Variants in PTPRD observed in about 807,000 individuals in gnomAD.
PTPRD encodes the protein protein tyrosine phosphatase receptor type D.
In PTPRD, 34 loss-of-function variants were observed where a neutral mutation model predicts 214.5. That is an observed-to-expected ratio of 0.16 (90% CI 0.12 to 0.21). The LOEUF (loss-of-function observed/expected upper bound fraction) is 0.21, where lower values mean the gene tolerates loss of function less well. Among genes scored for constraint, PTPRD ranks in the 10% least tolerant of loss-of-function variants. PTPRD has a pLI of 1.00. For missense variants in PTPRD, 2,545 were observed against 2,398.7 expected (o/e 1.06, Z -1.27); for synonymous variants, 1,128 against 845.7 (o/e 1.33, Z -5.79).
chr9:10,411,501 G>A (rs886710098), intron 2 of PTPRD, among the ~76,000 whole-genome samples: 1 of 151,748 alleles, frequency 6.6e-6, no homozygotes, highest in Non-Finnish European at 1.5e-5. Context: ...GCCCAGAATG[G>A]TGATATTCAG....
chr9:9,904,055 T>C (rs2077004054), intron 5 of PTPRD, among the ~76,000 whole-genome samples: 1 of 152,160 alleles, frequency 6.6e-6, no homozygotes, highest in Non-Finnish European at 1.5e-5. Flanking sequence ...GGTGCACTGA[T>C]GATAGTGAAA....
chr9:9,544,638 A>G (rs1403390217), intron 8 of PTPRD, among the ~76,000 whole-genome samples: 1 of 151,714 alleles, frequency 6.6e-6, no homozygotes, highest in Non-Finnish European at 1.5e-5. Context: ...TAATATCTAC[A>G]TGCACTTTTT....
intron 5 of PTPRD, among the ~76,000 whole-genome samples, chr9:9,873,241 T>C (rs1401876869): frequency 2.0e-5 from 3 of 152,152 alleles, no homozygotes; most frequent in Admixed American, 2.0e-4. Context: ...TGTTCTAACC[T>C]TTCATGTAAA....
At chr9:9,307,357 C>T (rs1045331609) in intron 9 of PTPRD, among the ~76,000 whole-genome samples, 1 of 152,114 alleles carries the variant, frequency 6.6e-6, no homozygotes, top group Non-Finnish European at 1.5e-5. Context: ...AAGAAACCTT[C>T]CTTTATTCTG....
chr9:9,664,472 C>T (rs528361121), intron 7 of PTPRD, among the ~76,000 whole-genome samples: 1 of 151,722 alleles, frequency 6.6e-6, no homozygotes, highest in South Asian at 2.1e-4. Flanking sequence ...TCTGCCCGGA[C>T]ATGCAATTAG....
At chr9:10,437,753 T>C (rs1173571122) in intron 2 of PTPRD, among the ~76,000 whole-genome samples, 1 of 151,432 alleles carries the variant, frequency 6.6e-6, no homozygotes, top group Non-Finnish European at 1.5e-5. Context: ...TTCCACAGAA[T>C]AGTCCATTTT....
chr9:8,742,144 A>T (rs2154446577), intron 11 of PTPRD, among the ~76,000 whole-genome samples: 1 of 152,288 alleles, frequency 6.6e-6, no homozygotes, highest in South Asian at 2.1e-4. Context: ...CTAATATGTC[A>T]GTCAAGCTTT....
chr9:10,181,988 G>T (rs1480698036), intron 3 of PTPRD, among the ~76,000 whole-genome samples: 2 of 147,116 alleles, frequency 1.4e-5, no homozygotes, highest in Non-Finnish European at 3.0e-5. Context: ...GGGTGCAGTG[G>T]CTCACGCCTG....
At chr9:10,375,323 A>G (rs540772333) in intron 2 of PTPRD, among the ~76,000 whole-genome samples, 25 of 152,072 alleles carry the variant, frequency 1.6e-4, no homozygotes, top group African/African-American at 5.5e-4. Flanking sequence ...TTTTAAAACT[A>G]TAAGTCTGAT....
chr9:9,765,229 G>A lies in PTPRD; in HGVS notation c.-326+1581C>T, dbSNP rs1164401873. ...TTATCTCAGAAAATTATTAACATAC[G>A]CATTTATAGGAGGCTTTCTTCTTCC... On this transcript the variant is annotated intron_variant, in intron 6 of 45. Coordinates refer to ENST00000381196, the MANE Select transcript of PTPRD (RefSeq NM_002839.4). Among the ~76,000 whole-genome samples the A allele has an allele frequency of 5.3e-5, 8 of 152,086 alleles. No homozygotes were observed. The East Asian group carries it at 5.8e-4, about 11-fold the overall frequency.
At chr9:10,591,433 T>C (rs76348508) in intron 2 of PTPRD, among the ~76,000 whole-genome samples, 3,084 of 152,126 alleles carry the variant, frequency 0.02, 113 homozygotes, top group African/African-American at 0.069. Context: ...TTGAGAGTTG[T>C]TTGCAGGAGA....
chr9:9,265,333 T>C (rs1938816877), intron 9 of PTPRD, among the ~76,000 whole-genome samples: 1 of 151,666 alleles, frequency 6.6e-6, no homozygotes, highest in Non-Finnish European at 1.5e-5. Flanking sequence ...ATAATCATAG[T>C]TCACTGCAGC....
chr9:9,344,659 G>C (rs1450309945), intron 9 of PTPRD, among the ~76,000 whole-genome samples: 1 of 151,896 alleles, frequency 6.6e-6, no homozygotes, highest in African/African-American at 2.4e-5. Context: ...TCTGTATTCT[G>C]AAAATTAACT....
chr9:9,351,139 C>T (rs12552004), intron 9 of PTPRD, among the ~76,000 whole-genome samples: 15,929 of 152,038 alleles, frequency 0.1, 1,576 homozygotes, highest in East Asian at 0.52. Context: ...TTCCCACCAC[C>T]GAGCTTTTCT....
At chr9:8,600,375 T>C (rs1437050054) in intron 14 of PTPRD, among the ~76,000 whole-genome samples, 2 of 152,102 alleles carry the variant, frequency 1.3e-5, no homozygotes, top group Admixed American at 6.5e-5. Context: ...AGTGCTGCAC[T>C]GGGCTCACGG....
intron 30 of PTPRD, among the ~76,000 whole-genome samples, chr9:8,481,928 A>G (rs1260314038): frequency 6.6e-6 from 1 of 152,098 alleles, no homozygotes; most frequent in Non-Finnish European, 1.5e-5. Flanking sequence ...GATTACAGGC[A>G]TGCGCCACCA....
intron 2 of PTPRD, among the ~76,000 whole-genome samples, chr9:10,522,082 G>C (rs2052517129): frequency 6.6e-6 from 1 of 152,104 alleles, no homozygotes; most frequent in African/African-American, 2.4e-5. Flanking sequence ...AAAACAGGGA[G>C]ATTAGGTGTG....
At chr9:9,915,349 C>CA (rs201835984) in intron 5 of PTPRD, among the ~76,000 whole-genome samples, 1,995 of 150,052 alleles carry the variant, frequency 0.013, 23 homozygotes, top group Non-Finnish European at 0.022. Context: ...ATGACATCTC[C>CA]AAAAAAAACT....
chr9:9,495,254 G>A (rs1010983889), intron 8 of PTPRD, among the ~76,000 whole-genome samples: 2 of 150,272 alleles, frequency 1.3e-5, no homozygotes, highest in African/African-American at 2.5e-5. Flanking sequence ...GAAACAGGCA[G>A]CAGAGAAATT....
Sources: gnomAD v4.1 joint callset for allele counts (sites outside exome capture counted in the v4.1 genomes callset) on GRCh38, gnomAD v4.1.1 for gene constraint, MANE v1.5 for transcripts, NCBI Gene and HGNC (gene_info 2026-07-23, HGNC 2026-07-21) for gene names.